Variants in SPOCK1 observed in about 807,000 individuals in gnomAD.
SPOCK1 encodes testican-1.
A neutral mutation model predicts 55.3 loss-of-function variants in SPOCK1; 23 were observed. The ratio of observed to expected loss-of-function variants is 0.42; its 90% CI spans 0.30 to 0.59. The LOEUF is 0.59. Among genes scored for constraint, SPOCK1 ranks in the 20% least tolerant of loss-of-function variants. SPOCK1 has a pLI of 0.22. For synonymous variants in SPOCK1, 226 were observed against 221.0 expected, an observed-to-expected ratio of 1.02 and a Z score of -0.20; for missense variants, 499 against 552.5, an observed-to-expected ratio of 0.90 and a Z score of 0.97.
intron 2 of SPOCK1, among the ~76,000 whole-genome samples, chr5:137,439,177 C>T (rs527274203): frequency 5.3e-5 from 8 of 152,288 alleles, no homozygotes; most frequent in African/African-American, 1.9e-4. Context: ...GGGGATGTTG[C>T]ATGTGGGTGT....
At chr5:137,310,281 A>AT (rs1311682617) in intron 2 of SPOCK1, among the ~76,000 whole-genome samples, 52 of 152,326 alleles carry the variant, frequency 3.4e-4, no homozygotes, top group African/African-American at 1.3e-3. Context: ...TGTCTCTCCC[A>AT]TTTAAATGAA....
Position 137,238,091 on chromosome 5 carries a change from C to T in SPOCK1, c.232+28919G>A, listed in dbSNP as rs183783025. On this transcript the variant is annotated intron_variant, in intron 3 of 10. Transcript: ENST00000394945. Reference sequence around the variant, plus strand: ...GGTTCACCTCTTCAAAATAAGCTTTCTCTTCTATAAGTTGAAATCAATTCC... The same window carrying T: ...GGTTCACCTCTTCAAAATAAGCTTTTTCTTCTATAAGTTGAAATCAATTCC... 4.0e-3 allele frequency among the ~76,000 whole-genome samples: 615 copies of T among 152,262 alleles called. 1 individual carries two copies. Among genetic ancestry groups the T allele is most frequent in the African/African-American group, 0.015 (604 of 41,550 alleles).
intron 3 of SPOCK1, among the ~76,000 whole-genome samples, chr5:137,201,622 G>A (rs1025779414): frequency 2.0e-5 from 3 of 152,126 alleles, no homozygotes; most frequent in Non-Finnish European, 2.9e-5. Context: ...CAATGCCAAC[G>A]TTAACATTTG....
intron 3 of SPOCK1, among the ~76,000 whole-genome samples, chr5:137,209,024 T>C (rs1299289285): frequency 6.6e-6 from 1 of 152,234 alleles, no homozygotes; most frequent in African/African-American, 2.4e-5. Context: ...TAGCCCCTTT[T>C]GACCTCCATT....
At chr5:137,203,988 G>A (rs1755476080) in intron 3 of SPOCK1, among the ~76,000 whole-genome samples, 1 of 152,170 alleles carries the variant, frequency 6.6e-6, no homozygotes, top group Non-Finnish European at 1.5e-5. Flanking sequence ...GCAACACACA[G>A]AGTAACTCTG....
intron 2 of SPOCK1, among the ~76,000 whole-genome samples, chr5:137,362,102 A>C (rs1290150097): frequency 6.6e-6 from 1 of 152,168 alleles, no homozygotes; most frequent in Admixed American, 6.6e-5. Context: ...AAGGAATTCC[A>C]CCCAAATCTT....
chr5:137,138,484 C>T (rs1393319236), intron 4 of SPOCK1, among the ~76,000 whole-genome samples: 1 of 121,954 alleles, frequency 8.2e-6, no homozygotes, highest in African/African-American at 3.4e-5. Context: ...AATGGACTCT[C>T]CATCTTACAC....
chr5:137,153,213 G>A (rs1754351903), intron 3 of SPOCK1, among the ~76,000 whole-genome samples: 1 of 152,194 alleles, frequency 6.6e-6, no homozygotes. Context: ...CTGCTGTAAA[G>A]GACATGTTCA....
chr5:137,343,020 G>A (rs183127262), intron 2 of SPOCK1, among the ~76,000 whole-genome samples: 122 of 152,340 alleles, frequency 8.0e-4, no homozygotes, highest in Admixed American at 2.2e-3. Context: ...TAAACCAAAA[G>A]AACTGTATTC....
At chr5:137,375,009 G>A (rs765483238) in intron 2 of SPOCK1, among the ~76,000 whole-genome samples, 8 of 152,148 alleles carry the variant, frequency 5.3e-5, no homozygotes, top group East Asian at 1.9e-4. Context: ...AGTTGCAGCC[G>A]TTCACATTTT....
At chr5:137,201,193 C>A (rs1466099219) in intron 3 of SPOCK1, among the ~76,000 whole-genome samples, 1 of 152,176 alleles carries the variant, frequency 6.6e-6, no homozygotes, top group East Asian at 1.9e-4. Flanking sequence ...TTCATCAGAA[C>A]AAAAGAGACC....
chr5:136,990,375 G>T (rs533982629), intron 7 of SPOCK1, among the ~76,000 whole-genome samples: 9 of 151,188 alleles, frequency 6.0e-5, no homozygotes, highest in African/African-American at 2.2e-4. Flanking sequence ...GGAAAAGACT[G>T]TCTTGTCCCC....
intron 3 of SPOCK1, among the ~76,000 whole-genome samples, chr5:137,183,265 T>G (rs989325133): frequency 6.6e-6 from 1 of 152,134 alleles, no homozygotes; most frequent in Non-Finnish European, 1.5e-5. Context: ...GGTCCGCACA[T>G]GGTATGAAGC....
At chr5:137,053,110 G>A (rs1454985738) in intron 6 of SPOCK1, among the ~76,000 whole-genome samples, 1 of 152,088 alleles carries the variant, frequency 6.6e-6, no homozygotes, top group East Asian at 1.9e-4. Context: ...TCCCTCTCCA[G>A]GACATTCTAA....
At chr5:137,452,520 A>G (rs1480527514) in intron 2 of SPOCK1, among the ~76,000 whole-genome samples, 1 of 152,238 alleles carries the variant, frequency 6.6e-6, no homozygotes, top group Non-Finnish European at 1.5e-5. Flanking sequence ...ATAACATAGT[A>G]GTTTTGAAAG....
At chr5:137,084,829 A>G (rs914925176) in intron 5 of SPOCK1, among the ~76,000 whole-genome samples, 14 of 152,112 alleles carry the variant, frequency 9.2e-5, no homozygotes, top group African/African-American at 3.4e-4. Flanking sequence ...TTACCTTTCC[A>G]TGCCAACCTC....
At chr5:137,253,207 A>G (rs900944500) in intron 3 of SPOCK1, among the ~76,000 whole-genome samples, 5 of 152,172 alleles carry the variant, frequency 3.3e-5, no homozygotes, top group African/African-American at 7.2e-5. Context: ...AATAGAATTC[A>G]CTCAGAGCAA....
intron 3 of SPOCK1, among the ~76,000 whole-genome samples, chr5:137,206,863 TACAGTCAAGGAAACTGAGA>T (rs1366794988): frequency 6.6e-6 from 1 of 152,196 alleles, no homozygotes; most frequent in African/African-American, 2.4e-5. Context: ...AAGTCCATTT[TACAGTCAAGGAAACTGAGA>T]ACCAGAGAGA....
At chr5:137,379,728 T>C (rs908806488) in intron 2 of SPOCK1, among the ~76,000 whole-genome samples, 6 of 152,300 alleles carry the variant, frequency 3.9e-5, no homozygotes, top group Admixed American at 2.0e-4. Flanking sequence ...GATTTTGCTC[T>C]GATGAGCCAA....
Sources: allele counts gnomAD v4.1 joint callset (sites outside exome capture counted in the v4.1 genomes callset), GRCh38; gene constraint gnomAD v4.1.1; transcripts MANE v1.5; gene names NCBI Gene and HGNC (gene_info 2026-07-23, HGNC 2026-07-21).